The following AACS variants were observed in gnomAD, a reference collection of about 807,000 sequenced individuals.
The protein encoded by AACS is acetoacetate-CoA ligase.
In AACS, 69 loss-of-function variants were observed where a neutral mutation model predicts 83.1. That is an observed-to-expected ratio of 0.83 (90% CI 0.68 to 1.01). The LOEUF (loss-of-function observed/expected upper bound fraction) is 1.01. AACS is among the 50% of genes least tolerant of loss of function. AACS has a pLI of 0.00. For synonymous variants in AACS, 333 were observed against 343.4 expected (o/e 0.97, Z 0.33); for missense variants, 866 against 882.2 (o/e 0.98, Z 0.23).
chr12:125,096,576 G>C (rs572288133), intron 5 of AACS, among the ~76,000 whole-genome samples: 2 of 152,174 alleles, frequency 1.3e-5, no homozygotes, highest in Non-Finnish European at 2.9e-5. Context: ...CCAGGTGCAG[G>C]GATACCTTGT....
Position 125,129,263 on chromosome 12 carries a change from G to A in AACS, c.1424-72G>A. On this transcript the variant is annotated intron_variant, in intron 13 of 17. Coordinates refer to ENST00000316519, the MANE Select transcript of AACS (RefSeq NM_023928.5). This position sits in a 1 kb window ranked among gnomAD's most constrained non-coding sequence, Gnocchi z 4.3. ...TATTGCATAATAAGTAATAGCTTAA[G>A]AAAGAGAGAGAGACAGCCAGGGTGT... 1 of 1,535,238 alleles carries A rather than the reference G, an allele frequency of 6.5e-7. No individual in the cohort carries two copies. Among genetic ancestry groups the A allele is most frequent in the Non-Finnish European group, 8.8e-7 (1 of 1,142,048 alleles).
chr12:125,071,725 C>T (rs78490485), intron 1 of AACS, among the ~76,000 whole-genome samples: 6 of 152,238 alleles, frequency 3.9e-5, no homozygotes, highest in South Asian at 4.2e-4. Flanking sequence ...TGAAGTCGGC[C>T]GCTTTTGCTG....
chr12:125,072,188 C>G (rs1036147816), intron 1 of AACS, among the ~76,000 whole-genome samples: 1 of 145,600 alleles, frequency 6.9e-6, no homozygotes, highest in Non-Finnish European at 1.5e-5. Context: ...GGGTCTCACT[C>G]TGTCGCCCAC....
chr12:125,105,317 G>A (rs1311113219), intron 7 of AACS: 1 of 152,198 alleles, frequency 6.6e-6, no homozygotes. Context: ...GGCCGCGGTG[G>A]GCTCTGTCGC....
At chr12:125,127,212 C>T (rs1016040022) in intron 12 of AACS, 2 of 152,096 alleles carry the variant, frequency 1.3e-5, no homozygotes, top group African/African-American at 4.8e-5. Flanking sequence ...GTTGGTTCCT[C>T]GGCCTGAGGT....
Position 125,094,759 on chromosome 12 carries a change from G to A in AACS, c.570+3236G>A, listed in dbSNP as rs1956566091. Among the ~76,000 whole-genome samples the A allele has an allele frequency of 6.6e-6, 1 of 152,186 alleles. No individual in the cohort carries two copies. The highest frequency in any genetic ancestry group is 6.5e-5 in the Admixed American group (1 of 15,278). ...GGGCTCGAAGGGCATCGCCAGGTTG[G>A]GGAAGTGCTCTGTTCTAAGGGTTCC... On this transcript the variant is annotated intron_variant, in intron 5 of 17. Transcript: ENST00000316519. This position sits in a 1 kb window ranked among gnomAD's most constrained non-coding sequence, Gnocchi z 4.1.
At chr12:125,119,070 AT>A (rs1286083404) in intron 10 of AACS, among the ~76,000 whole-genome samples, 2 of 152,174 alleles carry the variant, frequency 1.3e-5, no homozygotes, top group African/African-American at 2.4e-5. Context: ...TTTGAAGGTT[AT>A]TTTTTAGTAA....
chr12:125,081,554 C>T (rs567695951), intron 3 of AACS, among the ~76,000 whole-genome samples: 4 of 152,312 alleles, frequency 2.6e-5, no homozygotes, highest in South Asian at 2.1e-4. Context: ...CAGCAAAACT[C>T]ATCTCTCCTA....
At chr12:125,119,130 C>T (rs927473164) in intron 10 of AACS, among the ~76,000 whole-genome samples, 5 of 152,176 alleles carry the variant, frequency 3.3e-5, no homozygotes, top group South Asian at 2.1e-4. Context: ...GCTGTGTATA[C>T]GTATAGTGAA....
chr12:125,095,000 TGTGTG>T lies in AACS; in HGVS notation c.570+3478_570+3482del. 6.6e-6 allele frequency among the ~76,000 whole-genome samples: 1 copy of T among 151,148 alleles called. No individual in the cohort carries two copies. Among genetic ancestry groups the T allele is most frequent in the Admixed American group, 6.6e-5 (1 of 15,164 alleles). ...GGCCGTGTGTGTGTGTGTGTGTGTG[TGTGTG>T]TGTGTGTGTGTGTGTGTGTCTGTGT... On this transcript the variant is annotated intron_variant, in intron 5 of 17. Coordinates refer to ENST00000316519, the MANE Select transcript of AACS (RefSeq NM_023928.5). This position sits in a 1 kb window ranked among gnomAD's most constrained non-coding sequence, Gnocchi z 4.1.
chr12:125,078,006 G>A lies in AACS; in HGVS notation c.358+1395G>A, dbSNP rs111882509. On this transcript the variant is annotated intron_variant, in intron 3 of 17. Coordinates refer to ENST00000316519, the MANE Select transcript of AACS (RefSeq NM_023928.5). ...ATTACAGGCGTGAGCCACCATGCCC[G>A]GCCCCAGTTGGCAATTTTTATTAGA... The A allele has an allele frequency of 2.6e-3, 1,043 of 393,856 alleles. 16 individuals carry two copies. Among genetic ancestry groups the A allele is most frequent in the African/African-American group, 0.02 (953 of 48,030 alleles). The allele number at this position is 393,856 out of a possible 1,614,324, so 24.4% of individuals were successfully genotyped here. A position where few individuals can be genotyped will look rare whatever the true frequency, so the allele number is the denominator to read the frequency against.
chr12:125,104,530 G>C (rs78947855), intron 7 of AACS, among the ~76,000 whole-genome samples: 4,586 of 152,318 alleles, frequency 0.03, 141 homozygotes, highest in East Asian at 0.093. Flanking sequence ...CCCAGGGGTT[G>C]ACAGCAGGGC....
chr12:125,099,479 T>C (rs1341330347), intron 5 of AACS, among the ~76,000 whole-genome samples: 2 of 152,218 alleles, frequency 1.3e-5, no homozygotes, highest in Non-Finnish European at 2.9e-5. Context: ...GGCTCATGAA[T>C]CTTTTATTCT....
chr12:125,098,125 C>T (rs1256409369), intron 5 of AACS, among the ~76,000 whole-genome samples: 1 of 152,154 alleles, frequency 6.6e-6, no homozygotes, highest in Non-Finnish European at 1.5e-5. Context: ...CTGTCTCTCT[C>T]CCAGATTAAA....
intron 1 of AACS, among the ~76,000 whole-genome samples, chr12:125,068,931 C>G (rs1955781130): frequency 6.6e-6 from 1 of 151,934 alleles, no homozygotes; most frequent in Non-Finnish European, 1.5e-5. Context: ...CCTCCGCCTC[C>G]CGGGTTCAAG....
intron 9 of AACS, among the ~76,000 whole-genome samples, chr12:125,115,058 C>T (rs528337993): frequency 6.6e-6 from 1 of 152,334 alleles, no homozygotes; most frequent in African/African-American, 2.4e-5. Context: ...GCCCACCCTG[C>T]CTCAGCAGCG....
chr12:125,106,509 C>G (rs1415213252), intron 7 of AACS, among the ~76,000 whole-genome samples: 1 of 152,164 alleles, frequency 6.6e-6, no homozygotes, highest in Non-Finnish European at 1.5e-5. Flanking sequence ...AAGTTAGTGA[C>G]AACACATGAT....
intron 16 of AACS, 83 bp from the exon 17 acceptor site, chr12:125,136,579 C>G: frequency 1.7e-6 from 2 of 1,206,834 alleles, no homozygotes; most frequent in South Asian, 1.4e-5. Context: ...GCCTGCCCCT[C>G]CTGCTCTGCC....
rs779595414 is a variant in AACS, at chr12:125,113,723, C to T, written c.916-754C>T. ...CAAAATGGCATTAATAAATATGTGC[C>T]GGCATCAGCAAGAAAGACGTTCACA... is the stretch of plus-strand genomic sequence containing the variant. On this transcript the variant is annotated intron_variant, in intron 8 of 17. Coordinates refer to ENST00000316519, the MANE Select transcript of AACS (RefSeq NM_023928.5). This position sits in a 1 kb window ranked among gnomAD's most constrained non-coding sequence, Gnocchi z 4.8. Among the ~76,000 whole-genome samples, 15 of 152,156 alleles carry T rather than the reference C, an allele frequency of 9.9e-5. No individual in the cohort carries two copies. The highest frequency in any genetic ancestry group is 1.9e-4 in the Non-Finnish European group (13 of 68,018).
Sources: allele counts gnomAD v4.1 joint callset (sites outside exome capture counted in the v4.1 genomes callset), GRCh38; gene constraint gnomAD v4.1.1; non-coding constraint Gnocchi (gnomAD v3.1); transcripts MANE v1.5; gene names NCBI Gene and HGNC (gene_info 2026-07-23, HGNC 2026-07-21).